Variants in TACR3 observed in about 807,000 individuals in gnomAD.
TACR3 encodes neuromedin-K receptor.
In TACR3, 34 loss-of-function variants were observed where a neutral mutation model predicts 35.0. That is an observed-to-expected ratio of 0.97 (90% CI 0.74 to 1.30). The LOEUF (loss-of-function observed/expected upper bound fraction) is 1.30. Among genes scored for constraint, TACR3 ranks in the 50% most tolerant of loss-of-function variants. TACR3 has a pLI of 0.00. For missense variants in TACR3, 558 were observed against 591.7 expected (o/e 0.94, Z 0.59); for synonymous variants, 233 against 221.1 (o/e 1.05, Z -0.48).
intron 3 of TACR3, among the ~76,000 whole-genome samples, chr4:103,635,168 G>C (rs940374933): frequency 6.6e-6 from 1 of 151,808 alleles, no homozygotes. Flanking sequence ...ACATGACATT[G>C]TACTATAAGT....
At chr4:103,622,418 T>G (rs1454105855) in intron 3 of TACR3, among the ~76,000 whole-genome samples, 1 of 152,066 alleles carries the variant, frequency 6.6e-6, no homozygotes, top group East Asian at 1.9e-4. Context: ...AATGAGTGGA[T>G]GAAGGACATG....
chr4:103,623,381 C>CTAT (rs1553968996), intron 3 of TACR3, among the ~76,000 whole-genome samples: 2 of 151,650 alleles, frequency 1.3e-5, no homozygotes, highest in African/African-American at 4.8e-5. Flanking sequence ...GGATTTTTCT[C>CTAT]TATTTTTTTT....
chr4:103,615,392 TGTGTGTGAGAGAGAGA>T (rs1203078548), intron 3 of TACR3, among the ~76,000 whole-genome samples: 2 of 98,410 alleles, frequency 2.0e-5, no homozygotes, highest in Non-Finnish European at 4.4e-5. Flanking sequence ...TGTGTGTGTG[TGTGTGTGAGAGAGAGA>T]GAGAGAGAGA....
chr4:103,647,404 C>T (rs916444503), intron 3 of TACR3, among the ~76,000 whole-genome samples: 1 of 151,826 alleles, frequency 6.6e-6, no homozygotes, highest in African/African-American at 2.4e-5. Flanking sequence ...GGAATGTAAG[C>T]ATTAATATAA....
chr4:103,623,711 C>T (rs1724832815), intron 3 of TACR3, among the ~76,000 whole-genome samples: 1 of 152,048 alleles, frequency 6.6e-6, no homozygotes, highest in Non-Finnish European at 1.5e-5. Flanking sequence ...CAAGTGATCC[C>T]TAAATAAATG....
chr4:103,669,754 T>C (rs991958311), intron 1 of TACR3, among the ~76,000 whole-genome samples: 12 of 152,056 alleles, frequency 7.9e-5, no homozygotes, highest in African/African-American at 2.7e-4. Flanking sequence ...TTCTTCTCAG[T>C]TGAATATTCT....
intron 3 of TACR3, among the ~76,000 whole-genome samples, chr4:103,594,209 C>T (rs934680284): frequency 1.3e-5 from 2 of 150,064 alleles, no homozygotes; most frequent in Admixed American, 6.7e-5. Context: ...CAGAGTCTCA[C>T]TCTTGTCACC....
intron 3 of TACR3, among the ~76,000 whole-genome samples, chr4:103,634,107 T>G (rs1222786431): frequency 6.6e-6 from 1 of 152,110 alleles, no homozygotes; most frequent in Admixed American, 6.6e-5. Context: ...ACCCTTTTAC[T>G]TTTGAGAGCA....
At chr4:103,666,606 A>T (rs1178525662) in intron 1 of TACR3, among the ~76,000 whole-genome samples, 3 of 152,192 alleles carry the variant, frequency 2.0e-5, no homozygotes, top group African/African-American at 7.2e-5. Context: ...TTAATTTTTT[A>T]CTTAAATAGT....
Position 103,588,489 on chromosome 4 carries a change from A to G in TACR3, c.*1193T>C, listed in dbSNP as rs1228222255. On this transcript the variant is annotated 3_prime_UTR_variant, in exon 5 of 5. Transcript: ENST00000304883. ...CTTGTAGTAAATGTGATGCTTTCTT[A>G]GGACTATTATCTCATTTCTTTCTGG... 6.6e-6 allele frequency: 1 copy of G among 152,234 alleles called. No homozygotes were observed. Among genetic ancestry groups the G allele is most frequent in the East Asian group, 1.9e-4 (1 of 5,182 alleles). The allele number at this position is 152,234 out of a possible 1,614,324, so 9.4% of individuals were successfully genotyped here. A position where few individuals can be genotyped will look rare whatever the true frequency, so the allele number is the denominator to read the frequency against.
At chr4:103,688,630 C>CA (rs1722315207) in intron 1 of TACR3, among the ~76,000 whole-genome samples, 1 of 150,048 alleles carries the variant, frequency 6.7e-6, no homozygotes. Flanking sequence ...TTTATGCAGC[C>CA]AAAAAACACA....
chr4:103,609,756 C>T (rs1724472955), intron 3 of TACR3, among the ~76,000 whole-genome samples: 1 of 152,038 alleles, frequency 6.6e-6, no homozygotes, highest in African/African-American at 2.4e-5. Context: ...TCCCCATCCC[C>T]TCTCCTGCCA....
Position 103,640,416 on chromosome 4 carries a change from G to A in TACR3, c.888+15778C>T, listed in dbSNP as rs187074105. Among the ~76,000 whole-genome samples the A allele has an allele frequency of 5.4e-3, 753 of 140,384 alleles. 11 individuals carry two copies. The highest frequency in any genetic ancestry group is 0.02 in the African/African-American group (721 of 35,858). The allele number at this position is 140,384 out of a possible 152,430, so 92.1% of individuals were successfully genotyped here. On this transcript the variant is annotated intron_variant, in intron 3 of 4. Coordinates refer to ENST00000304883, the MANE Select transcript of TACR3 (RefSeq NM_001059.3). The stretch of plus-strand genomic sequence containing the variant: ...AAAAAATGCACTTCCCTAATGATTA[G>A]TGATGTAGAGAGTTTTTTTTCACAT...
intron 3 of TACR3, among the ~76,000 whole-genome samples, chr4:103,598,110 A>T (rs552549602): frequency 6.6e-6 from 1 of 152,030 alleles, no homozygotes; most frequent in Non-Finnish European, 1.5e-5. Context: ...CCTCTCCAGC[A>T]CCTGTTGTTT....
intron 1 of TACR3, among the ~76,000 whole-genome samples, chr4:103,665,192 A>G (rs568734201): frequency 6.6e-6 from 1 of 150,652 alleles, no homozygotes; most frequent in East Asian, 1.9e-4. Flanking sequence ...TTTCAAAGTG[A>G]ATAAGCTTTT....
chr4:103,589,958 A>C lies in TACR3; in HGVS notation c.1122T>G (p.Cys374Trp), dbSNP rs375325379. Residue 374 changes from cysteine to tryptophan, a missense_variant, in exon 5 of 5, where the codon TGT becomes TGG. Coordinates refer to ENST00000304883, the MANE Select transcript of TACR3 (RefSeq NM_001059.3). ...CATAGCTGGAAACTTTGATGAAAGG[A>C]CACCAGCGAAATGCTCTCTTGAAGC... ...RAGFKRAFRW[C>W]PFIKVSSYDE... 2 of 1,613,748 alleles carry C rather than the reference A, an allele frequency of 1.2e-6. No individual in the cohort carries two copies. The highest frequency in any genetic ancestry group is 1.7e-6 in the Non-Finnish European group (2 of 1,179,850).
intron 1 of TACR3, among the ~76,000 whole-genome samples, chr4:103,695,925 A>G (rs1722511540): frequency 6.6e-6 from 1 of 152,136 alleles, no homozygotes; most frequent in Admixed American, 6.6e-5. Context: ...TTATGTGTTA[A>G]TAGTTTTCAG....
At chr4:103,606,759 A>C (rs571244037) in intron 3 of TACR3, among the ~76,000 whole-genome samples, 2,076 of 152,216 alleles carry the variant, frequency 0.014, 42 homozygotes, top group African/African-American at 0.045. Flanking sequence ...CAATCATGTC[A>C]TCTGCAAACA....
chr4:103,676,502 GACAA>G (rs1726172355), intron 1 of TACR3, among the ~76,000 whole-genome samples: 1 of 152,036 alleles, frequency 6.6e-6, no homozygotes, highest in African/African-American at 2.4e-5. Flanking sequence ...TGCAGACAAA[GACAA>G]ACAAATATAG....
Sources: allele counts gnomAD v4.1 joint callset (sites outside exome capture counted in the v4.1 genomes callset), GRCh38; gene constraint gnomAD v4.1.1; transcripts MANE v1.5; gene names NCBI Gene and HGNC (gene_info 2026-07-23, HGNC 2026-07-21).